WDR7: variants seen among roughly 807,000 people sequenced by gnomAD.
WDR7 encodes WD repeat domain 7.
A neutral mutation model predicts 169.4 loss-of-function variants in WDR7; 46 were observed. The ratio of observed to expected loss-of-function variants is 0.27; its 90% CI spans 0.21 to 0.35. WDR7 has a LOEUF of 0.35. Ranked by LOEUF, WDR7 falls within the 10% of genes least tolerant of loss-of-function variation. The pLI is 1.00. For missense variants in WDR7, 1,534 were observed against 1,859.3 expected (o/e 0.83, Z 3.22); for synonymous variants, 612 against 666.8 (o/e 0.92, Z 1.27).
At chr18:56,689,529 G>A (rs942893566) in intron 7 of WDR7, among the ~76,000 whole-genome samples, 1 of 152,126 alleles carries the variant, frequency 6.6e-6, no homozygotes, top group African/African-American at 2.4e-5. Flanking sequence ...CAAAGGGCTG[G>A]GATTATAGGC....
chr18:56,691,106 C>T (rs941199162), intron 7 of WDR7, 110 bp from the exon 8 acceptor site: 3 of 1,452,174 alleles, frequency 2.1e-6, no homozygotes, highest in Non-Finnish European at 1.9e-6. Flanking sequence ...ATGCAGCAAA[C>T]TGAGTTTTCT....
At chr18:56,716,638 G>A (rs942475328) in intron 12 of WDR7, among the ~76,000 whole-genome samples, 1 of 152,116 alleles carries the variant, frequency 6.6e-6, no homozygotes, top group African/African-American at 2.4e-5. Flanking sequence ...AGATACTTAT[G>A]CCCAAGATCC....
intron 19 of WDR7, among the ~76,000 whole-genome samples, chr18:56,785,660 G>A (rs1057389300): frequency 2.6e-5 from 4 of 152,092 alleles, no homozygotes; most frequent in East Asian, 1.9e-4. Flanking sequence ...TTCACAGTCC[G>A]TAAGTGATTG....
chr18:56,843,636 A>C (rs1383890334), intron 20 of WDR7, among the ~76,000 whole-genome samples: 1 of 152,136 alleles, frequency 6.6e-6, no homozygotes, highest in Non-Finnish European at 1.5e-5. Flanking sequence ...TGCTGCTATG[A>C]ATATTGATAT....
At chr18:56,760,912 A>G (rs2043971552) in intron 16 of WDR7, among the ~76,000 whole-genome samples, 1 of 152,344 alleles carries the variant, frequency 6.6e-6, no homozygotes, top group Middle Eastern at 3.4e-3. Context: ...AGCCATTTTG[A>G]TATGTGTATA....
At chr18:56,804,679 T>A (rs2044738423) in intron 19 of WDR7, among the ~76,000 whole-genome samples, 1 of 152,210 alleles carries the variant, frequency 6.6e-6, no homozygotes, top group South Asian at 2.1e-4. Flanking sequence ...AGTGGTCCGC[T>A]GAGATACTGT....
intron 19 of WDR7, among the ~76,000 whole-genome samples, chr18:56,800,261 G>A (rs1158171380): frequency 6.6e-6 from 1 of 152,076 alleles, no homozygotes; most frequent in African/African-American, 2.4e-5. Context: ...TCTTTAAAAT[G>A]AATTGTGAGG....
chr18:56,718,280 A>G (rs2026237730), intron 13 of WDR7, 121 bp downstream of exon 13: 1 of 1,072,506 alleles, frequency 9.3e-7, no homozygotes, highest in Admixed American at 3.0e-5. Context: ...TGCTACTTTT[A>G]TTTCTAATTG....
chr18:56,928,762 A>G (rs1205161886), intron 22 of WDR7, among the ~76,000 whole-genome samples: 5 of 152,174 alleles, frequency 3.3e-5, no homozygotes, highest in Non-Finnish European at 7.4e-5. Flanking sequence ...CACTTTGCAG[A>G]TGAGAAAAAA....
intron 21 of WDR7, among the ~76,000 whole-genome samples, chr18:56,886,153 A>G (rs907231821): frequency 3.9e-5 from 6 of 152,202 alleles, no homozygotes; most frequent in African/African-American, 1.4e-4. Flanking sequence ...TCACAAAAAG[A>G]TCATGACCTA....
At chr18:56,923,657 T>G (rs575448617) in intron 21 of WDR7, among the ~76,000 whole-genome samples, 1 of 152,250 alleles carries the variant, frequency 6.6e-6, no homozygotes, top group Non-Finnish European at 1.5e-5. Context: ...ATCACTGATA[T>G]GTTTTGAAAT....
intron 25 of WDR7, among the ~76,000 whole-genome samples, chr18:56,960,982 TAAAAA>T (rs760439677): frequency 3.4e-5 from 5 of 145,962 alleles, no homozygotes; most frequent in African/African-American, 1.0e-4. Context: ...TACTAAAAGT[TAAAAA>T]AAAAAAATGA....
intron 19 of WDR7, among the ~76,000 whole-genome samples, chr18:56,802,860 G>T (rs2044701955): frequency 1.3e-5 from 2 of 150,520 alleles, no homozygotes; most frequent in Admixed American, 6.6e-5. Context: ...CTTTGGTGTT[G>T]TATCTTAAAA....
At chr18:56,883,664 C>T (rs1172986747) in intron 21 of WDR7, among the ~76,000 whole-genome samples, 3 of 151,998 alleles carry the variant, frequency 2.0e-5, no homozygotes. Flanking sequence ...TCACCCCTCT[C>T]CCACCCTTTC....
At chr18:56,965,841 A>G (rs936089960) in intron 26 of WDR7, among the ~76,000 whole-genome samples, 7 of 152,124 alleles carry the variant, frequency 4.6e-5, no homozygotes, top group Non-Finnish European at 1.0e-4. Context: ...ATAACTAGAA[A>G]TTTGTGTGGG....
At chr18:56,895,507 G>A (rs1347137582) in intron 21 of WDR7, among the ~76,000 whole-genome samples, 3 of 151,386 alleles carry the variant, frequency 2.0e-5, no homozygotes, top group Non-Finnish European at 4.4e-5. Flanking sequence ...ACAGTGAATA[G>A]ATATTTGTGT....
chr18:56,769,548 C>T lies in WDR7; in HGVS notation c.2849-7234C>T, dbSNP rs369512457. Among the ~76,000 whole-genome samples the T allele has an allele frequency of 3.9e-5, 6 of 152,238 alleles. No individual in the cohort carries two copies. The East Asian group carries it at 7.7e-4, about 20-fold the overall frequency. On this transcript the variant is annotated intron_variant, in intron 16 of 27. Transcript: ENST00000254442. ...TTCTCTCTATTCATTAATCTCATGA[C>T]GTAAGTCTCTGGTCTGTGTCTCTAG...
intron 14 of WDR7, 63 bp downstream of exon 14, chr18:56,731,660 G>C: frequency 3.0e-6 from 4 of 1,354,026 alleles, no homozygotes; most frequent in Non-Finnish European, 4.0e-6. Flanking sequence ...TAGTAACATG[G>C]CTTTGGCATA....
chr18:56,664,853 T>G (rs1209276353), intron 1 of WDR7, among the ~76,000 whole-genome samples: 2 of 151,864 alleles, frequency 1.3e-5, no homozygotes, highest in African/African-American at 4.8e-5. Context: ...GTAGTAGGAG[T>G]AGTAAATCAT....
Sources: allele counts gnomAD v4.1 joint callset (sites outside exome capture counted in the v4.1 genomes callset), GRCh38; gene constraint gnomAD v4.1.1; transcripts MANE v1.5; gene names NCBI Gene and HGNC (gene_info 2026-07-23, HGNC 2026-07-21).